Variants in SAMMSON observed in about 807,000 individuals in gnomAD.
The protein encoded by SAMMSON is long intergenic non-protein coding RNA 1212.
intron 4 of SAMMSON, among the ~76,000 whole-genome samples, chr3:70,157,350 C>G (rs533594206): frequency 6.6e-6 from 1 of 152,102 alleles, no homozygotes; most frequent in Admixed American, 6.6e-5. Flanking sequence ...GATTCCATAC[C>G]TTAGAGCCCT....
intron 7 of SAMMSON, among the ~76,000 whole-genome samples, chr3:70,353,531 C>G (rs1702809089): frequency 6.6e-6 from 1 of 152,004 alleles, no homozygotes. Context: ...TATTACTATA[C>G]TACATGTCAG....
chr3:70,281,162 G>A (rs1395679466), intron 6 of SAMMSON, among the ~76,000 whole-genome samples: 1 of 152,014 alleles, frequency 6.6e-6, no homozygotes, highest in Non-Finnish European at 1.5e-5. Context: ...TTTTCTCTTG[G>A]CCCCTACAAT....
chr3:70,271,004 G>A (rs1444282366), intron 6 of SAMMSON, among the ~76,000 whole-genome samples: 1 of 151,828 alleles, frequency 6.6e-6, no homozygotes, highest in South Asian at 2.1e-4. Flanking sequence ...TGCACATTCT[G>A]CACATGTATC....
chr3:70,417,015 A>G (rs779329076), intron 2 of SAMMSON, among the ~76,000 whole-genome samples: 2 of 152,050 alleles, frequency 1.3e-5, no homozygotes, highest in Non-Finnish European at 2.9e-5. Context: ...GACAGACATC[A>G]CTAATCAGCT....
At chr3:70,174,955 T>A (rs559480731) in intron 4 of SAMMSON, among the ~76,000 whole-genome samples, 32 of 152,260 alleles carry the variant, frequency 2.1e-4, no homozygotes, top group South Asian at 4.1e-4. Context: ...TACATTTTAA[T>A]GTTTTCAAAT....
chr3:70,386,924 C>G (rs1056841940), intron 9 of SAMMSON, among the ~76,000 whole-genome samples: 10 of 152,020 alleles, frequency 6.6e-5, no homozygotes, highest in Admixed American at 1.3e-4. Flanking sequence ...GTGTGCCTTC[C>G]CCATCAGGAC....
chr3:70,095,372 G>A (rs1412973481), intron 4 of SAMMSON, among the ~76,000 whole-genome samples: 20 of 152,134 alleles, frequency 1.3e-4, no homozygotes, highest in Admixed American at 1.3e-3. Context: ...TAGGTGCCTG[G>A]AATTTCCCTT....
intron 6 of SAMMSON, among the ~76,000 whole-genome samples, chr3:70,250,409 TCTCACACACACA>T (rs748262344): frequency 4.4e-4 from 56 of 126,344 alleles, no homozygotes; most frequent in South Asian, 9.5e-4. Flanking sequence ...TTTTAATGAA[TCTCACACACACA>T]CACACACACA....
intron 6 of SAMMSON, among the ~76,000 whole-genome samples, chr3:70,254,515 G>A (rs1701796808): frequency 6.6e-6 from 1 of 152,104 alleles, no homozygotes; most frequent in Admixed American, 6.5e-5. Context: ...GGGAAAATTA[G>A]TTTTCACTTA....
At chr3:70,345,995 C>A (rs1316664218) in intron 7 of SAMMSON, among the ~76,000 whole-genome samples, 1 of 152,040 alleles carries the variant, frequency 6.6e-6, no homozygotes, top group Non-Finnish European at 1.5e-5. Flanking sequence ...TGATAAATAC[C>A]AAGGAGCACA....
At chr3:70,422,876 C>T (rs1701323542) in intron 2 of SAMMSON, among the ~76,000 whole-genome samples, 1 of 151,782 alleles carries the variant, frequency 6.6e-6, no homozygotes, top group Non-Finnish European at 1.5e-5. Flanking sequence ...GTAAAATCAT[C>T]TAATATGATT....
At chr3:70,406,876 G>GTAAA (rs1701182164) in intron 2 of SAMMSON, among the ~76,000 whole-genome samples, 1 of 152,132 alleles carries the variant, frequency 6.6e-6, no homozygotes, top group Non-Finnish European at 1.5e-5. Flanking sequence ...AACATTAAAC[G>GTAAA]TAAATAATCA....
chr3:70,167,695 G>A lies in SAMMSON; in HGVS notation n.508-81412G>A, dbSNP rs1377010656. Among the ~76,000 whole-genome samples, 5 of 151,940 alleles carry A rather than the reference G, an allele frequency of 3.3e-5. No individual in the cohort carries two copies. The East Asian group carries it at 7.8e-4, about 24-fold the overall frequency. ...CAGCTTTCTTGCTAGCACAAAGAGC[G>A]TTAGGGGAACAAACAGGCATCACAG... On this transcript the variant is annotated intron_variant and non_coding_transcript_variant, in intron 4 of 9. Coordinates refer to ENST00000642114, the Ensembl canonical transcript of SAMMSON.
chr3:70,413,920 T>C (rs1227282619), intron 2 of SAMMSON, among the ~76,000 whole-genome samples: 1 of 152,134 alleles, frequency 6.6e-6, no homozygotes, highest in Non-Finnish European at 1.5e-5. Context: ...CTAAACAGTG[T>C]GCTTGAAGGC....
chr3:70,025,544 G>C (rs1424644927), intron 3 of SAMMSON, among the ~76,000 whole-genome samples: 1 of 152,172 alleles, frequency 6.6e-6, no homozygotes, highest in Non-Finnish European at 1.5e-5. Flanking sequence ...TGCCTAGCCT[G>C]TTTTATGTTT....
intron 7 of SAMMSON, among the ~76,000 whole-genome samples, chr3:70,341,594 C>T (rs1429564120): frequency 2.0e-5 from 3 of 152,056 alleles, no homozygotes; most frequent in Non-Finnish European, 4.4e-5. Context: ...GAGTATTTTC[C>T]TTCTTATATA....
chr3:70,202,644 G>C (rs990340413), intron 4 of SAMMSON, among the ~76,000 whole-genome samples: 1 of 152,078 alleles, frequency 6.6e-6, no homozygotes, highest in African/African-American at 2.4e-5. Flanking sequence ...AGACCTGCAG[G>C]CTGCACAGTC....
chr3:70,096,995 A>G (rs1025499215), intron 4 of SAMMSON, among the ~76,000 whole-genome samples: 4 of 152,240 alleles, frequency 2.6e-5, no homozygotes, highest in African/African-American at 9.6e-5. Context: ...AGACATGATC[A>G]TATGGCTAAA....
At chr3:70,260,074 G>A (rs909421886) in intron 6 of SAMMSON, among the ~76,000 whole-genome samples, 1 of 152,162 alleles carries the variant, frequency 6.6e-6, no homozygotes, top group Admixed American at 6.5e-5. Flanking sequence ...TGAGATTTGG[G>A]TGGGGACACA....
Sources: allele counts gnomAD v4.1 joint callset (sites outside exome capture counted in the v4.1 genomes callset), GRCh38; gene constraint gnomAD v4.1.1; transcripts MANE v1.5; gene names NCBI Gene and HGNC (gene_info 2026-07-23, HGNC 2026-07-21).